The following SPECC1 variants were observed in gnomAD, a reference collection of about 807,000 sequenced individuals.
SPECC1 encodes sperm antigen with calponin homology and coiled-coil domains 1.
In SPECC1, 62 loss-of-function variants were observed where a neutral mutation model predicts 104.1. The observed-to-expected ratio is 0.60, with a 90% CI of 0.49 to 0.74. The LOEUF is 0.74. Among genes scored for constraint, SPECC1 ranks in the 30% least tolerant of loss-of-function variants. The probability of loss-of-function intolerance (pLI) is 0.00; values close to 1 mark genes in which losing one functional copy is unlikely to be tolerated. For missense variants in SPECC1, 1,306 were observed against 1,310.5 expected, an observed-to-expected ratio of 1.00 and a Z score of 0.05; for synonymous variants, 513 against 501.6, an observed-to-expected ratio of 1.02 and a Z score of -0.30.
intron 2 of SPECC1, 116 bp downstream of exon 2, chr17:20,096,914 G>C: frequency 7.5e-7 from 1 of 1,338,604 alleles, no homozygotes; most frequent in Non-Finnish European, 1.0e-6. Context: ...AGGCTCCCAA[G>C]GAGGGGTCGC....
chr17:20,160,906 A>C (rs1231822232), intron 3 of SPECC1, among the ~76,000 whole-genome samples: 1 of 152,228 alleles, frequency 6.6e-6, no homozygotes, highest in Non-Finnish European at 1.5e-5. Flanking sequence ...AAATTTTCCA[A>C]ATCCATTGTT....
chr17:20,223,142 T>A (rs936162272), intron 4 of SPECC1, among the ~76,000 whole-genome samples: 1 of 152,192 alleles, frequency 6.6e-6, no homozygotes, highest in African/African-American at 2.4e-5. Flanking sequence ...TCTCTCTCTC[T>A]ACCTCCTCTT....
chr17:20,124,311 T>TGA (rs1343709813), intron 3 of SPECC1, among the ~76,000 whole-genome samples: 9 of 152,070 alleles, frequency 5.9e-5, no homozygotes, highest in African/African-American at 9.7e-5. Flanking sequence ...TTGGGAAATG[T>TGA]GAGAAAATGA....
chr17:20,256,631 T>C (rs1194813910), intron 10 of SPECC1, among the ~76,000 whole-genome samples: 1 of 152,146 alleles, frequency 6.6e-6, no homozygotes, highest in Non-Finnish European at 1.5e-5. Context: ...ACAAGGCACT[T>C]AGTTCTCTGA....
intron 3 of SPECC1, among the ~76,000 whole-genome samples, chr17:20,121,232 G>C (rs1000849961): frequency 6.6e-6 from 1 of 152,110 alleles, no homozygotes; most frequent in Non-Finnish European, 1.5e-5. Flanking sequence ...CTTTGGAAAG[G>C]TCAAACCAGT....
intron 4 of SPECC1, among the ~76,000 whole-genome samples, chr17:20,226,573 T>G (rs556176975): frequency 6.6e-6 from 1 of 152,344 alleles, no homozygotes; most frequent in African/African-American, 2.4e-5. Flanking sequence ...TAAAAAATTC[T>G]TATTAAAGTA....
In SPECC1 at chr17:20,315,242, C is replaced by T. The variant is rs1429028382; in HGVS notation, c.*1177C>T. On this transcript the variant is annotated 3_prime_UTR_variant, in exon 15 of 15. Coordinates refer to ENST00000395527, the MANE Select transcript of SPECC1 (RefSeq NM_001243439.2). Reference sequence around the variant, plus strand: ...TAGTGCTTCCCCAGGCCTCTTTCATCGGCATGGGAAAAGCCCTTAGGGGTG... The same window carrying T: ...TAGTGCTTCCCCAGGCCTCTTTCATTGGCATGGGAAAAGCCCTTAGGGGTG... 4.3e-6 allele frequency: 1 copy of T among 232,574 alleles called. No homozygotes were observed. Among genetic ancestry groups the T allele is most frequent in the Non-Finnish European group, 8.5e-6 (1 of 117,632 alleles). 14.4% of individuals were successfully genotyped at this position (232,574 alleles called of 1,614,324 possible).
chr17:20,122,300 C>G (rs1055607054), intron 3 of SPECC1, among the ~76,000 whole-genome samples: 1 of 152,172 alleles, frequency 6.6e-6, no homozygotes, highest in Non-Finnish European at 1.5e-5. Context: ...TTTAAAAGGA[C>G]TGCTTTGGGC....
In SPECC1 at chr17:20,313,985, G is replaced by A. The variant is rs766551740; in HGVS notation, c.3127G>A (p.Glu1043Lys). ...TTCCCTTCCCCTGCAGGAACTCAGC[G>A]AGATGCTGTACACAGACCGGCCCGA... is the stretch of plus-strand genomic sequence containing the variant. ...VGIKPSLELS[E>K]MLYTDRPDWQ... Residue 1043 changes from glutamate to lysine, a missense_variant, in exon 15 of 15, where the codon GAG becomes AAG. Glu to Lys is a moderately conservative substitution (Grantham distance 56, BLOSUM62 1). Transcript: ENST00000395527. The A allele has an allele frequency of 6.2e-6, 10 of 1,614,022 alleles. No individual in the cohort carries two copies. Among genetic ancestry groups the A allele is most frequent in the East Asian group, 4.5e-5 (2 of 44,886 alleles).
chr17:20,211,840 C>T (rs2037172325), intron 4 of SPECC1, among the ~76,000 whole-genome samples: 2 of 152,218 alleles, frequency 1.3e-5, no homozygotes, highest in African/African-American at 2.4e-5. Context: ...TGCTTCCCTG[C>T]GATGGACTTG....
At chr17:20,259,315 GTTTTCTTTATGCCA>G (rs1294013166) in intron 11 of SPECC1, among the ~76,000 whole-genome samples, 5 of 152,048 alleles carry the variant, frequency 3.3e-5, no homozygotes, top group Non-Finnish European at 7.4e-5. Flanking sequence ...TGAAGTTGCC[GTTTTCTTTATGCCA>G]GAAATGCATA....
At chr17:20,125,253 T>C (rs1046433719) in intron 3 of SPECC1, among the ~76,000 whole-genome samples, 2 of 152,176 alleles carry the variant, frequency 1.3e-5, no homozygotes, top group Non-Finnish European at 2.9e-5. Context: ...TTACTGGAAG[T>C]GAAAAGCAGA....
chr17:20,091,178 C>T (rs1489216728), intron 1 of SPECC1, among the ~76,000 whole-genome samples: 1 of 151,870 alleles, frequency 6.6e-6, no homozygotes, highest in African/African-American at 2.4e-5. Context: ...TGTTCTTTTC[C>T]TTATTTACTG....
At chr17:20,021,931 T>C (rs1263999742) in intron 1 of SPECC1, among the ~76,000 whole-genome samples, 1 of 148,844 alleles carries the variant, frequency 6.7e-6, no homozygotes, top group Non-Finnish European at 1.5e-5. Flanking sequence ...TTTATTATTA[T>C]TATAATTATA....
At chr17:20,020,750 A>G (rs1217642476) in intron 1 of SPECC1, among the ~76,000 whole-genome samples, 1 of 152,066 alleles carries the variant, frequency 6.6e-6, no homozygotes, top group East Asian at 1.9e-4. Context: ...TTGTTAATGC[A>G]TTTGTTGGTT....
intron 1 of SPECC1, among the ~76,000 whole-genome samples, chr17:20,051,177 T>TTTCCTTCTTTCCTTCTTTCC (rs879647180): frequency 7.2e-6 from 1 of 138,714 alleles, no homozygotes; most frequent in African/African-American, 2.5e-5. Context: ...TCTTTCCTTC[T>TTTCCTTCTTTCCTTCTTTCC]TTCTTTCCTT....
In SPECC1 at chr17:20,298,948, A is replaced by AGAGAGAGAGAGTGTGTGTGTGTGT; in HGVS notation, c.3057+1872_3057+1873insAGAGAGAGAGTGTGTGTGTGTGTG. Among the ~76,000 whole-genome samples, 23 of 49,052 alleles carry AGAGAGAGAGAGTGTGTGTGTGTGT rather than the reference A, an allele frequency of 4.7e-4. 1 individual carries two copies. The East Asian group carries it at 0.067, about 142-fold the overall frequency. 32.2% of individuals were successfully genotyped at this position (49,052 alleles called of 152,430 possible). ...GAGAGAGAGAGAGAGAGAGAGAGAGAGTGTGTGTGTGTGTGTGTGTGTGTA... is the reference window on the plus strand; with the variant it reads ...GAGAGAGAGAGAGAGAGAGAGAGAGAGAGAGAGAGAGTGTGTGTGTGTGTGTGTGTGTGTGTGTGTGTGTGTGTA... On this transcript the variant is annotated intron_variant, in intron 13 of 14. Coordinates refer to ENST00000395527, the MANE Select transcript of SPECC1 (RefSeq NM_001243439.2).
At chr17:20,152,786 C>T (rs564108284) in intron 3 of SPECC1, among the ~76,000 whole-genome samples, 7 of 152,264 alleles carry the variant, frequency 4.6e-5, no homozygotes, top group African/African-American at 1.7e-4. Context: ...ATTCTCCTGC[C>T]TCAGCTGAGA....
chr17:20,096,680 C>G lies in SPECC1; in HGVS notation c.29C>G (p.Pro10Arg). 1 of 1,613,992 alleles carries G rather than the reference C, an allele frequency of 6.2e-7. No individual in the cohort carries two copies. Among genetic ancestry groups the G allele is most frequent in the Non-Finnish European group, 8.5e-7 (1 of 1,179,898 alleles). Residue 10 changes from proline (P) to arginine (R), a missense_variant, in exon 2 of 15, where the codon CCA becomes CGA. By Grantham distance (103) the Pro-to-Arg change is moderately radical. This residue lies in a region of SPECC1 where 1,177 missense variants were observed against 1,139.9 expected (regional missense o/e 1.03). Transcript: ENST00000395527. MRSAAKPWN[P>R]AIRAGGHGPD... ...CGGAGTGCAGCCAAGCCCTGGAACC[C>G]AGCCATCAGAGCAGGGGGCCACGGC...
Sources: gnomAD v4.1 joint callset for allele counts (sites outside exome capture counted in the v4.1 genomes callset) on GRCh38, gnomAD v4.1.1 for gene constraint, gnomAD v4.1.1 regional missense constraint, MANE v1.5 for transcripts, NCBI Gene and HGNC (gene_info 2026-07-23, HGNC 2026-07-21) for gene names.